DNAH17: variants seen among roughly 807,000 people sequenced by gnomAD.
DNAH17 encodes dynein axonemal heavy chain 17.
DNAH17 carries 376 observed loss-of-function variants against 485.6 expected under a neutral mutation model. The ratio of observed to expected loss-of-function variants is 0.77; its 90% confidence interval spans 0.71 to 0.84. The LOEUF (loss-of-function observed/expected upper bound fraction) is 0.84, where lower values mean the gene tolerates loss of function less well. DNAH17 is among the 40% of genes least tolerant of loss of function. DNAH17 has a pLI of 0.00. For missense variants in DNAH17, 6,370 were observed against 5,839.3 expected (o/e 1.09, Z -2.96); for synonymous variants, 3,031 against 2,405.9 (o/e 1.26, Z -7.60).
chr17:78,440,244 C>CTTTTT (rs71160296), intron 72 of DNAH17, among the ~76,000 whole-genome samples: 1 of 40,340 alleles, frequency 2.5e-5, no homozygotes, highest in Non-Finnish European at 4.1e-5. Flanking sequence ...CGACTTCATG[C>CTTTTT]TTTTTTTTTT....
Position 78,460,012 on chromosome 17 carries a change from C to A in DNAH17, c.9436-11G>T. The A allele has an allele frequency of 6.2e-7, 1 of 1,612,288 alleles. No individual in the cohort carries two copies. Among genetic ancestry groups the A allele is most frequent in the Non-Finnish European group, 8.5e-7 (1 of 1,179,854 alleles). On this transcript the variant is annotated splice_polypyrimidine_tract_variant and intron_variant, in intron 59 of 80. Coordinates refer to ENST00000389840, the MANE Select transcript of DNAH17 (RefSeq NM_173628.4). Reference sequence around the variant, plus strand: ...CTCTGTCAGGTTGTTCTGCAAATGACAGACGGGATGGGTCCGATGGGAGTT... The same window carrying A: ...CTCTGTCAGGTTGTTCTGCAAATGAAAGACGGGATGGGTCCGATGGGAGTT...
intron 16 of DNAH17, among the ~76,000 whole-genome samples, chr17:78,545,965 C>T (rs1049696288): frequency 1.6e-5 from 2 of 126,482 alleles, no homozygotes; most frequent in Admixed American, 8.3e-5. Flanking sequence ...AATAAGACTA[C>T]CATTTGAAAT....
Position 78,494,812 on chromosome 17 carries a change from G to C in DNAH17, c.6051C>G (p.Tyr2017Ter). The part of the protein sequence containing the change: ...CKELLSKQDH[Y>*]DWGLRAIKSV... ...ACTTGATGGCTCTCAGGCCCCAGTC[G>C]TAATGATCCTGCGGGCAGTGGGCAC... The change falls in exon 40 of 81, where the codon TAC becomes TAG. Residue 2017 changes from tyrosine to a stop codon, truncating the protein, a stop_gained. Transcript: ENST00000389840. LOFTEE classifies it high-confidence loss of function. The C allele has an allele frequency of 6.2e-7, 1 of 1,605,356 alleles. No individual in the cohort carries two copies. Among genetic ancestry groups the C allele is most frequent in the Non-Finnish European group, 8.5e-7 (1 of 1,174,596 alleles).
intron 75 of DNAH17, among the ~76,000 whole-genome samples, chr17:78,433,403 C>T (rs1598441096): frequency 6.6e-6 from 1 of 152,258 alleles, no homozygotes; most frequent in Admixed American, 6.5e-5. Flanking sequence ...CCTGTGCCCT[C>T]TGCTGTGCAC....
Position 78,526,967 on chromosome 17 carries a change from C to T in DNAH17, c.3537G>A (p.Lys1179=). ...TCAGCTTCACCTGAATGGCCAGTTT[C>T]TTGGTATTTGCCCAGTGCTCCGGCA... The part of the protein sequence containing the change: ...QELPEHWANT[K]KLAIQVKLTV... Residue 1179 remains lysine, a synonymous_variant, in exon 23 of 81, where the codon AAG becomes AAA. Coordinates refer to ENST00000389840, the MANE Select transcript of DNAH17 (RefSeq NM_173628.4). The T allele has an allele frequency of 6.3e-7, 1 of 1,587,568 alleles. No individual in the cohort carries two copies. The highest frequency in any genetic ancestry group is 8.6e-7 in the Non-Finnish European group (1 of 1,166,768).
chr17:78,530,247 G>A (rs1022400820), intron 21 of DNAH17, 96 bp downstream of exon 21: 10 of 1,400,566 alleles, frequency 7.1e-6, no homozygotes, highest in South Asian at 1.4e-5. Context: ...TACCCCAGAG[G>A]AGGCACCTGA....
chr17:78,483,643 A>G (rs2089448912), intron 48 of DNAH17, among the ~76,000 whole-genome samples: 1 of 64,658 alleles, frequency 1.5e-5, no homozygotes, highest in South Asian at 6.3e-4. Flanking sequence ...AAATAATAAT[A>G]ATAATAATAA....
At position 78,463,031 on chromosome 17, in the gene DNAH17, G is replaced by A. The variant is rs760989551; in HGVS notation, c.8987C>T (p.Thr2996Ile). 2.1e-5 allele frequency: 34 copies of A among 1,613,786 alleles called. No individual in the cohort carries two copies. The highest frequency in any genetic ancestry group is 2.9e-5 in the Non-Finnish European group (34 of 1,179,874). Residue 2996 changes from threonine to isoleucine, a missense_variant, in exon 57 of 81, where the codon ACC becomes ATC. Transcript: ENST00000389840. ...SISFFMSYVHTTVNEMSRVYL... is the reference protein window; with the variant it reads ...SISFFMSYVHITVNEMSRVYL... ...TACCCTGGACATCTCGTTGACGGTG[G>A]TGTGCACGTAGGACATGAAGAAGCT... is the stretch of plus-strand genomic sequence containing the variant.
At chr17:78,455,961 A>C in intron 62 of DNAH17, 125 bp from the exon 63 acceptor site, 26 of 759,696 alleles carry the variant, frequency 3.4e-5, no homozygotes, top group South Asian at 7.8e-5. Context: ...TCAGTGGCTC[A>C]ATGATGAAAA....
intron 17 of DNAH17, among the ~76,000 whole-genome samples, chr17:78,543,433 A>G (rs1166272350): frequency 4.0e-5 from 6 of 151,864 alleles, no homozygotes; most frequent in African/African-American, 1.2e-4. Flanking sequence ...TGGGACTACA[A>G]GCGCCCGCCA....
intron 58 of DNAH17, among the ~76,000 whole-genome samples, chr17:78,461,038 T>A (rs116360004): frequency 0.028 from 4,244 of 151,678 alleles, 81 homozygotes; most frequent in Middle Eastern, 0.082. Flanking sequence ...ATGAAGACGC[T>A]CCCGCTAAGC....
At chr17:78,567,249 C>G in intron 9 of DNAH17, 83 bp from the exon 10 acceptor site, 1 of 1,477,080 alleles carries the variant, frequency 6.8e-7, no homozygotes, top group Non-Finnish European at 9.2e-7. Flanking sequence ...TGACCCCAGG[C>G]AGGAGGAGCT....
intron 27 of DNAH17, among the ~76,000 whole-genome samples, chr17:78,509,245 C>T (rs1279861452): frequency 1.3e-5 from 2 of 150,414 alleles, no homozygotes; most frequent in East Asian, 3.9e-4. Context: ...GGATTACAGG[C>T]GTGAGCCACC....
At chr17:78,503,530 C>CG (rs1317900796) in intron 31 of DNAH17, among the ~76,000 whole-genome samples, 1 of 151,992 alleles carries the variant, frequency 6.6e-6, no homozygotes, top group Non-Finnish European at 1.5e-5. Context: ...TCTGCTGCCC[C>CG]GGCTGCTGTG....
chr17:78,467,560 G>A (rs746690651), intron 55 of DNAH17, among the ~76,000 whole-genome samples: 6 of 152,172 alleles, frequency 3.9e-5, no homozygotes, highest in Admixed American at 2.6e-4. Flanking sequence ...CAGAGGGGAG[G>A]GAGGACCCTG....
In DNAH17 at chr17:78,468,841, C is replaced by T. The variant is rs765204698; in HGVS notation, c.8554G>A (p.Val2852Ile). The part of the protein sequence containing the change: ...AQYIKAAVKN[V>I]PSVFLMTDSQ... ...TCTGTCATCAGGAACACCGAGGGAA[C>T]GTTCTTCACGGCAGCCTTTATGTAC... Residue 2852 changes from valine to isoleucine, a missense_variant, in exon 55 of 81, where the codon GTT becomes ATT. Physicochemically the swap from Val to Ile is conservative, Grantham distance 29. Transcript: ENST00000389840. 14 of 1,613,964 alleles carry T rather than the reference C, an allele frequency of 8.7e-6. No individual in the cohort carries two copies. Among genetic ancestry groups the T allele is most frequent in the South Asian group, 6.6e-5 (6 of 91,078 alleles).
chr17:78,471,129 G>A (rs534752713), intron 54 of DNAH17, among the ~76,000 whole-genome samples: 1 of 152,246 alleles, frequency 6.6e-6, no homozygotes, highest in African/African-American at 2.4e-5. Context: ...TATTGAAGAG[G>A]CTTTAAAAGT....
At chr17:78,524,068 G>A (rs1394848276) in intron 25 of DNAH17, among the ~76,000 whole-genome samples, 1 of 152,186 alleles carries the variant, frequency 6.6e-6, no homozygotes, top group Admixed American at 6.5e-5. Flanking sequence ...CCTCGTATTA[G>A]GAGGCAGGGC....
rs564581425 is a variant in DNAH17 at position 78,450,146 on chromosome 17, G to C, written c.11040+108C>G. 1,454 of 1,360,120 alleles carry C rather than the reference G, an allele frequency of 1.1e-3. 14 individuals carry two copies. In the Middle Eastern group the frequency reaches 0.021, roughly 19 times the overall value. 84.3% of individuals were successfully genotyped at this position (1,360,120 alleles called of 1,614,324 possible). A position where few individuals can be genotyped will look rare whatever the true frequency, so the allele number is the denominator to read the frequency against. On this transcript the variant is annotated intron_variant, in intron 68 of 80. Coordinates refer to ENST00000389840, the MANE Select transcript of DNAH17 (RefSeq NM_173628.4). The stretch of plus-strand genomic sequence containing the variant: ...AGGCTGGACCAGGTCTGCCCTCTGA[G>C]GGTGGCCCTGGCACTGCCCGATGGC...
Sources: gnomAD v4.1 joint callset for allele counts (sites outside exome capture counted in the v4.1 genomes callset) on GRCh38, gnomAD v4.1.1 for gene constraint, MANE v1.5 for transcripts, NCBI Gene and HGNC (gene_info 2026-07-23, HGNC 2026-07-21) for gene names.